The following SH3PXD2B variants were observed in gnomAD, a reference collection of about 807,000 sequenced individuals.
SH3PXD2B encodes SH3 and PX domain-containing protein 2B.
A neutral mutation model predicts 73.1 loss-of-function variants in SH3PXD2B; 37 were observed. That is an observed-to-expected ratio of 0.51 (90% CI 0.39 to 0.67). SH3PXD2B has a LOEUF of 0.67. Among genes scored for constraint, SH3PXD2B ranks in the 30% least tolerant of loss-of-function variants. The probability of loss-of-function intolerance (pLI) is 0.00; values close to 1 mark genes in which losing one functional copy is unlikely to be tolerated. For missense variants in SH3PXD2B, 1,053 were observed against 1,197.8 expected (o/e 0.88, Z 1.78); for synonymous variants, 457 against 480.5 (o/e 0.95, Z 0.64).
In SH3PXD2B at chr5:172,338,510, T is replaced by C. The variant is rs987683954; in HGVS notation, c.2595A>G (p.Lys865=). ...YVAVADFEGD[K]DTSSFQEGTV... ...TCCCTTCCTGGAAGCTGCTGGTGTC[T>C]TTGTCTCCTTCAAAGTCGGCCACGG... Residue 865 remains lysine (K), a synonymous_variant, in exon 13 of 13, where the codon AAA becomes AAG. Coordinates refer to ENST00000311601, the MANE Select transcript of SH3PXD2B (RefSeq NM_001017995.3). The surrounding 1 kb of genome is among the most constrained non-coding windows in gnomAD (Gnocchi z 5.1). The C allele has an allele frequency of 4.3e-6, 7 of 1,614,098 alleles. No homozygotes were observed. Among genetic ancestry groups the C allele is most frequent in the Non-Finnish European group, 5.1e-6 (6 of 1,180,048 alleles).
In SH3PXD2B at chr5:172,360,711, A is replaced by C. The variant is rs180856011; in HGVS notation, c.563-1834T>G. On this transcript the variant is annotated intron_variant, in intron 7 of 12. Coordinates refer to ENST00000311601, the MANE Select transcript of SH3PXD2B (RefSeq NM_001017995.3). ...ACCAGGCATGGTGGCATGTGCCTGT[A>C]GTCCCAGCTGCTTGGGAGGCTGAGA... Among the ~76,000 whole-genome samples the C allele has an allele frequency of 4.2e-3, 644 of 152,298 alleles. 2 individuals are homozygous for C. The highest frequency in any genetic ancestry group is 7.4e-3 in the Non-Finnish European group (504 of 68,032).
Position 172,333,870 on chromosome 5 carries a change from TGAA to T in SH3PXD2B, c.*4496_*4498del. 7.8e-7 allele frequency: 1 copy of T among 1,278,510 alleles called. No individual in the cohort carries two copies. The highest frequency in any genetic ancestry group is 1.0e-6 in the Non-Finnish European group (1 of 986,346). The allele number at this position is 1,278,510 out of a possible 1,614,324, so 79.2% of individuals were successfully genotyped here. On this transcript the variant is annotated 3_prime_UTR_variant, in exon 13 of 13. Transcript: ENST00000311601. ...CACAGTTTATCATCACCCCTCTAAG[TGAA>T]AGGGGCGCTAACAATAATTACACGG...
At chr5:172,347,612 G>A (rs1757025285) in intron 10 of SH3PXD2B, among the ~76,000 whole-genome samples, 1 of 152,056 alleles carries the variant, frequency 6.6e-6, no homozygotes, top group Non-Finnish European at 1.5e-5. Flanking sequence ...TCCAGAAAGG[G>A]CAAAAAGCAA....
At chr5:172,441,496 C>T (rs553911407) in intron 1 of SH3PXD2B, among the ~76,000 whole-genome samples, 27 of 152,322 alleles carry the variant, frequency 1.8e-4, no homozygotes, top group Non-Finnish European at 3.5e-4. Flanking sequence ...AAGAAACACA[C>T]TTGGGCTGGG....
intron 6 of SH3PXD2B, among the ~76,000 whole-genome samples, chr5:172,372,454 C>T (rs1045863763): frequency 6.6e-5 from 10 of 152,070 alleles, no homozygotes; most frequent in African/African-American, 2.2e-4. Flanking sequence ...CTGTGCTTCC[C>T]GTACAGCCTG....
intron 12 of SH3PXD2B, among the ~76,000 whole-genome samples, chr5:172,325,865 G>A (rs1022625933): frequency 2.6e-5 from 4 of 152,206 alleles, no homozygotes; most frequent in East Asian, 1.9e-4. Flanking sequence ...TCCGCTCACC[G>A]CAACCTCCGC....
At chr5:172,416,016 G>A (rs1480652165) in intron 2 of SH3PXD2B, among the ~76,000 whole-genome samples, 1 of 152,192 alleles carries the variant, frequency 6.6e-6, no homozygotes, top group East Asian at 1.9e-4. Flanking sequence ...AACCAAGTTG[G>A]AAGGTGAATC....
chr5:172,442,937 C>T (rs1163137436), intron 1 of SH3PXD2B, among the ~76,000 whole-genome samples: 2 of 152,166 alleles, frequency 1.3e-5, no homozygotes, highest in Non-Finnish European at 2.9e-5. Flanking sequence ...CCACCTCTTC[C>T]ACCCAGAGGG....
chr5:172,395,063 T>C (rs912735452), intron 3 of SH3PXD2B, among the ~76,000 whole-genome samples: 19 of 152,114 alleles, frequency 1.2e-4, no homozygotes, highest in Admixed American at 1.2e-3. Flanking sequence ...CTTCTCCTCA[T>C]TCACCCTCTG....
intron 1 of SH3PXD2B, among the ~76,000 whole-genome samples, chr5:172,438,284 C>T (rs1470917828): frequency 6.6e-6 from 1 of 152,218 alleles, no homozygotes; most frequent in African/African-American, 2.4e-5. Context: ...CTCTGAGTTC[C>T]CACAGGGCTA....
At chr5:172,414,456 TAAA>T (rs1007937801) in intron 2 of SH3PXD2B, among the ~76,000 whole-genome samples, 31 of 77,562 alleles carry the variant, frequency 4.0e-4, no homozygotes, top group African/African-American at 1.2e-3. Flanking sequence ...GACTCCATCT[TAAA>T]AAAAAAAAAA....
intron 10 of SH3PXD2B, 79 bp from the exon 11 acceptor site, chr5:172,347,411 C>A (rs1488348671): frequency 1.4e-6 from 2 of 1,461,492 alleles, no homozygotes; most frequent in South Asian, 2.3e-5. Context: ...GGTCTATTTT[C>A]TCCTGCAGAA....
intron 7 of SH3PXD2B, among the ~76,000 whole-genome samples, chr5:172,361,150 T>G (rs772884598): frequency 6.6e-6 from 1 of 152,024 alleles, no homozygotes; most frequent in Non-Finnish European, 1.5e-5. Context: ...CAAGTATATA[T>G]GTATGAATGA....
chr5:172,414,679 G>C (rs1320497565), intron 2 of SH3PXD2B, among the ~76,000 whole-genome samples: 1 of 152,178 alleles, frequency 6.6e-6, no homozygotes, highest in Non-Finnish European at 1.5e-5. Flanking sequence ...GTGCGGAGCA[G>C]GAGAGGAGCC....
intron 4 of SH3PXD2B, among the ~76,000 whole-genome samples, chr5:172,388,868 G>C (rs1177466303): frequency 6.6e-6 from 1 of 152,186 alleles, no homozygotes; most frequent in African/African-American, 2.4e-5. Context: ...GGCTCTAGAG[G>C]TTTGGAAAGT....
intron 8 of SH3PXD2B, among the ~76,000 whole-genome samples, chr5:172,358,442 T>G (rs1222139781): frequency 6.6e-6 from 1 of 152,212 alleles, no homozygotes; most frequent in Non-Finnish European, 1.5e-5. Flanking sequence ...TTCCAGCACC[T>G]TGGCCGCCAG....
rs1756732509 is a variant in SH3PXD2B at position 172,337,502 on chromosome 5, A to C, written c.*867T>G. On this transcript the variant is annotated 3_prime_UTR_variant, in exon 13 of 13. Transcript: ENST00000311601. ...AGTGTTTGGCACCCACGAGGCACTC[A>C]GCAAAGGGGTGCTCACAAGGGCACG... 3 of 985,420 alleles carry C rather than the reference A, an allele frequency of 3.0e-6. No individual in the cohort carries two copies. The highest frequency in any genetic ancestry group is 1.2e-6 in the Non-Finnish European group (1 of 829,978). The allele number at this position is 985,420 out of a possible 1,614,324, so 61.0% of individuals were successfully genotyped here. A position where few individuals can be genotyped will look rare whatever the true frequency, so the allele number is the denominator to read the frequency against.
Position 172,335,967 on chromosome 5 carries a change from A to T in SH3PXD2B, c.*2402T>A. On this transcript the variant is annotated 3_prime_UTR_variant, in exon 13 of 13. Coordinates refer to ENST00000311601, the MANE Select transcript of SH3PXD2B (RefSeq NM_001017995.3). ...AATGGCAGATTCTTTCATTTGCAGG[A>T]AAACTTTCTGCCTAGAGGAAGGCAG... 1 of 1,065,956 alleles carries T rather than the reference A, an allele frequency of 9.4e-7. No homozygotes were observed. The allele number at this position is 1,065,956 out of a possible 1,614,324, so 66.0% of individuals were successfully genotyped here. A position where few individuals can be genotyped will look rare whatever the true frequency, so the allele number is the denominator to read the frequency against.
At chr5:172,362,254 G>A (rs376188382) in intron 7 of SH3PXD2B, among the ~76,000 whole-genome samples, 1 of 152,192 alleles carries the variant, frequency 6.6e-6, no homozygotes, top group African/African-American at 2.4e-5. Flanking sequence ...GGAAATCCAG[G>A]TTAAGTGTCT....
Sources: allele counts gnomAD v4.1 joint callset (sites outside exome capture counted in the v4.1 genomes callset), GRCh38; gene constraint gnomAD v4.1.1; non-coding constraint Gnocchi (gnomAD v3.1); transcripts MANE v1.5; gene names NCBI Gene and HGNC (gene_info 2026-07-23, HGNC 2026-07-21).